NCOR2: variants seen among roughly 807,000 people sequenced by gnomAD.
The protein encoded by NCOR2 is CTG repeat protein 26.
NCOR2 carries 81 observed loss-of-function variants against 262.9 expected under a neutral mutation model. That is an observed-to-expected ratio of 0.31 (90% CI 0.26 to 0.37). The LOEUF is 0.37. Ranked by LOEUF, NCOR2 falls within the 10% of genes least tolerant of loss-of-function variation. NCOR2 has a pLI of 1.00. For synonymous variants in NCOR2, 1,659 were observed against 1,559.3 expected (o/e 1.06, Z -1.51); for missense variants, 3,385 against 3,621.4 (o/e 0.93, Z 1.68).
At chr12:124,406,492 T>C (rs1026120847) in intron 13 of NCOR2, among the ~76,000 whole-genome samples, 5 of 152,170 alleles carry the variant, frequency 3.3e-5, no homozygotes, top group Admixed American at 1.3e-4. Flanking sequence ...AAGGACTCTG[T>C]GCAGCAGAAA....
At chr12:124,441,827 C>T (rs752747324) in intron 7 of NCOR2, among the ~76,000 whole-genome samples, 69 of 152,226 alleles carry the variant, frequency 4.5e-4, no homozygotes, top group Non-Finnish European at 7.5e-4. Flanking sequence ...GTGGGCATCA[C>T]GCAGCCCCCT....
intron 44 of NCOR2, 49 bp downstream of exon 46, chr12:124,330,796 G>A (rs1270658061): frequency 1.9e-6 from 3 of 1,541,878 alleles, no homozygotes; most frequent in Non-Finnish European, 2.6e-6. Flanking sequence ...GGGTGGGGAG[G>A]GAGCGGAGGG....
At chr12:124,408,701 A>C (rs888179844) in intron 13 of NCOR2, among the ~76,000 whole-genome samples, 1 of 152,102 alleles carries the variant, frequency 6.6e-6, no homozygotes, top group African/African-American at 2.4e-5. Flanking sequence ...GCGAGCTTCA[A>C]CTGCACCACT....
At chr12:124,416,388 T>C (rs2042859406) in intron 13 of NCOR2, among the ~76,000 whole-genome samples, 1 of 152,220 alleles carries the variant, frequency 6.6e-6, no homozygotes, top group Admixed American at 6.5e-5. Flanking sequence ...CTGTCTCTCA[T>C]GCTCCCTGCC....
Position 124,482,814 on chromosome 12 carries a change from GTC to G in NCOR2, c.411+780_411+781del, listed in dbSNP as rs2047567599. ...CTCCCCTGCCCAAAGTGCATCCGTG[GTC>G]CCTCAGGCCTGGGTGGCTGCAGACT... On this transcript the variant is annotated intron_variant, in intron 3 of 46. Coordinates refer to ENST00000405201, the Ensembl canonical transcript of NCOR2. This position sits in a 1 kb window ranked among gnomAD's most constrained non-coding sequence, Gnocchi z 6.3. Among the ~76,000 whole-genome samples the G allele has an allele frequency of 6.6e-6, 1 of 152,168 alleles. No homozygotes were observed.
At chr12:124,416,995 G>T (rs1311829636) in intron 13 of NCOR2, among the ~76,000 whole-genome samples, 1 of 152,154 alleles carries the variant, frequency 6.6e-6, no homozygotes, top group African/African-American at 2.4e-5. Context: ...GGATGAGTCA[G>T]CAAGCTGGAC....
chr12:124,526,723 C>T (rs1034921695), intron 1 of NCOR2, among the ~76,000 whole-genome samples: 3 of 152,160 alleles, frequency 2.0e-5, no homozygotes, highest in African/African-American at 2.4e-5. Flanking sequence ...GGGGTGCACA[C>T]AGCTCCCTGC....
rs573018049 is a variant in NCOR2, at chr12:124,449,765, C to T, written c.815+50G>A. ...TCCCATGCAGGCTGCTGAGAGCCTGCTCGCCCACCCTGCCTCTGTGTGTCT... is the reference window on the plus strand; with the variant it reads ...TCCCATGCAGGCTGCTGAGAGCCTGTTCGCCCACCCTGCCTCTGTGTGTCT... On this transcript the variant is annotated intron_variant, in intron 7 of 46. Coordinates refer to ENST00000405201, the Ensembl canonical transcript of NCOR2. 35 of 1,600,704 alleles carry T rather than the reference C, an allele frequency of 2.2e-5. No individual in the cohort carries two copies. In the South Asian group the frequency reaches 3.8e-4, roughly 17 times the overall value.
At position 124,443,154 on chromosome 12, in the gene NCOR2, T is replaced by C. The variant is rs1020739696; in HGVS notation, c.816-5158A>G. 6.6e-6 allele frequency among the ~76,000 whole-genome samples: 1 copy of C among 152,236 alleles called. No individual in the cohort carries two copies. Among genetic ancestry groups the C allele is most frequent in the Non-Finnish European group, 1.5e-5 (1 of 68,046 alleles). ...TCACGGCCGAGTGTTAAGGCAGCGC[T>C]GAGAAGCTAGTCCGGCGTGTGATCT... On this transcript the variant is annotated intron_variant, in intron 7 of 46. Coordinates refer to ENST00000405201, the Ensembl canonical transcript of NCOR2. The surrounding 1 kb of genome is among the most constrained non-coding windows in gnomAD (Gnocchi z 4.4).
intron 1 of NCOR2, among the ~76,000 whole-genome samples, chr12:124,532,707 G>T (rs962576432): frequency 6.6e-6 from 1 of 152,206 alleles, no homozygotes; most frequent in Non-Finnish European, 1.5e-5. Flanking sequence ...GGCCGGAGAC[G>T]GAGACGCCGA....
chr12:124,366,311 C>T (rs921881383), intron 20 of NCOR2, among the ~76,000 whole-genome samples: 1 of 152,142 alleles, frequency 6.6e-6, no homozygotes, highest in Non-Finnish European at 1.5e-5. Flanking sequence ...CCTGAAGACA[C>T]GATGCGCGTG....
Position 124,335,024 on chromosome 12 carries a change from C to T in NCOR2, c.6411+111G>A, listed in dbSNP as rs2035759334. On this transcript the variant is annotated intron_variant, in intron 40 of 46. Transcript: ENST00000405201. ...ATCCCCCCAGCGCCATGCCCTGGAT[C>T]CCCCAGCCACCCCGCCAGGACAGAA... is the stretch of plus-strand genomic sequence containing the variant. The T allele has an allele frequency of 2.6e-6, 4 of 1,532,250 alleles. No individual in the cohort carries two copies. In the South Asian group the frequency reaches 4.5e-5, roughly 17 times the overall value. The allele number at this position is 1,532,250 out of a possible 1,614,324, so 94.9% of individuals were successfully genotyped here.
intron 44 of NCOR2, among the ~76,000 whole-genome samples, chr12:124,330,406 G>A (rs545168377): frequency 6.4e-4 from 97 of 152,364 alleles, no homozygotes; most frequent in African/African-American, 2.3e-3. Flanking sequence ...GATCTTGAAA[G>A]AAAAAGTAAG....
At chr12:124,396,341 C>T (rs2041654083) in intron 16 of NCOR2, among the ~76,000 whole-genome samples, 1 of 152,212 alleles carries the variant, frequency 6.6e-6, no homozygotes, top group Non-Finnish European at 1.5e-5. Context: ...AGCTTCGTGC[C>T]ATGTGTATCA....
intron 1 of NCOR2, among the ~76,000 whole-genome samples, chr12:124,547,817 A>G (rs1344617305): frequency 6.6e-6 from 1 of 152,164 alleles, no homozygotes; most frequent in African/African-American, 2.4e-5. Context: ...TTCAAGGTTC[A>G]CCCGCAGTGT....
Position 124,343,217 on chromosome 12 carries a change from G to A in NCOR2, c.4724C>T (p.Ser1575Leu), listed in dbSNP as rs181834930. 7.8e-4 allele frequency: 1,249 copies of A among 1,607,704 alleles called. 1 individual carries two copies. The highest frequency in any genetic ancestry group is 9.4e-4 in the Non-Finnish European group (1,107 of 1,176,052). ...TCGGTCCTGGGATGCCTTGCTGGAC[G>A]AAAGGCTGCCTGTGGACGGGCAAGG... Residue 1575 changes from serine to leucine, a missense_variant, in exon 33 of 47, where the codon TCG becomes TTG. By Grantham distance (145) the Ser-to-Leu change is moderately radical. Around this residue, in one of 5 missense-constraint regions of NCOR2, gnomAD observed 1,615 missense variants for 1,626.9 expected, o/e 0.99. Coordinates refer to ENST00000405201, the Ensembl canonical transcript of NCOR2.
rs2048833513 is a variant in NCOR2, at chr12:124,503,080, C to T, written c.-117-7712G>A. ...ATACTAAGAGCTCAATCCCGGGTGC[C>T]ACCCACAAGGGTGCGGTCTGCCCTC... is the stretch of plus-strand genomic sequence containing the variant. On this transcript the variant is annotated intron_variant, in intron 1 of 46. Transcript: ENST00000404621. This position sits in a 1 kb window ranked among gnomAD's most constrained non-coding sequence, Gnocchi z 4.3. Among the ~76,000 whole-genome samples, 1 of 152,240 alleles carries T rather than the reference C, an allele frequency of 6.6e-6. No individual in the cohort carries two copies. Among genetic ancestry groups the T allele is most frequent in the South Asian group, 2.1e-4 (1 of 4,836 alleles).
In NCOR2 at chr12:124,513,021, T is replaced by C. The variant is rs1441388818; in HGVS notation, c.-117-17653A>G. 2.6e-5 allele frequency among the ~76,000 whole-genome samples: 4 copies of C among 152,248 alleles called. No homozygotes were observed. The East Asian group carries it at 7.7e-4, about 29-fold the overall frequency. On this transcript the variant is annotated intron_variant, in intron 1 of 46. Coordinates refer to the NCOR2 transcript ENST00000404621. ...GAGCAAATCCCACCTCCCGCTGCTC[T>C]CTCGGGAGGACTCAGCGAGACCCTG...
chr12:124,374,470 G>GGAAGTCAGAGAAGA lies in NCOR2; in HGVS notation c.2168-21_2168-8dup. 6.2e-7 allele frequency: 1 copy of GGAAGTCAGAGAAGA among 1,611,958 alleles called. No individual in the cohort carries two copies. The highest frequency in any genetic ancestry group is 8.5e-7 in the Non-Finnish European group (1 of 1,179,344). The stretch of plus-strand genomic sequence containing the variant: ...TTCCCAGAGGCATGTAAGGCTGGAA[G>GGAAGTCAGAGAAGA]GAAGTCAGAGAAGAGTTAGAAGTGA... On this transcript the variant is annotated splice_region_variant and splice_polypyrimidine_tract_variant and intron_variant, in intron 18 of 46. Transcript: ENST00000405201.
Sources: allele counts gnomAD v4.1 joint callset (sites outside exome capture counted in the v4.1 genomes callset), GRCh38; gene constraint gnomAD v4.1.1; regional missense constraint gnomAD v4.1.1; non-coding constraint Gnocchi (gnomAD v3.1); transcripts MANE v1.5; gene names NCBI Gene and HGNC (gene_info 2026-07-23, HGNC 2026-07-21).